The following CCNK variants were observed in gnomAD, a reference collection of about 807,000 sequenced individuals.
The protein encoded by CCNK is cyclin K.
Under a neutral mutation model 65.0 loss-of-function variants are expected in CCNK, and 9 were observed. The ratio of observed to expected loss-of-function variants is 0.14; its 90% CI spans 0.08 to 0.24. The LOEUF is 0.24. CCNK is among the 10% of genes least tolerant of loss of function. CCNK has a pLI of 1.00. For missense variants in CCNK, 474 were observed against 720.0 expected (o/e 0.66, Z 3.91); for synonymous variants, 279 against 270.8 (o/e 1.03, Z -0.30).
At chr14:99,493,273 C>CA (rs565367708) in intron 2 of CCNK, among the ~76,000 whole-genome samples, 78 of 141,736 alleles carry the variant, frequency 5.5e-4, no homozygotes, top group Middle Eastern at 3.6e-3. Flanking sequence ...GATGCTGTCT[C>CA]AAAAAAAAAA....
intron 5 of CCNK, chr14:99,501,083 G>GC: frequency 1.7e-6 from 1 of 601,054 alleles, no homozygotes; most frequent in Non-Finnish European, 2.9e-6. Context: ...GCCAAGTGAT[G>GC]GGAGAGGCAG....
chr14:99,481,553 A>G (rs1392743129), intron 1 of CCNK, 74 bp downstream of exon 1: 3 of 398,080 alleles, frequency 7.5e-6, no homozygotes, highest in South Asian at 1.3e-4. Context: ...GTTATGGCCA[A>G]CCGCCGCTAT....
At chr14:99,505,178 T>C (rs556747547) in intron 9 of CCNK, 1 of 152,368 alleles carries the variant, frequency 6.6e-6, no homozygotes, top group South Asian at 2.1e-4. Flanking sequence ...AGGAGTCCCC[T>C]GGCAGCAGTA....
intron 4 of CCNK, among the ~76,000 whole-genome samples, chr14:99,496,930 C>CT (rs146560564): frequency 0.91 from 117,836 of 129,774 alleles, 53,857 homozygotes; most frequent in East Asian, 0.99. Context: ...AAAAAAAATG[C>CT]TTTTTTTTTT....
chr14:99,495,134 G>A (rs2069490), intron 3 of CCNK: 1,856 of 177,930 alleles, frequency 0.01, 35 homozygotes, highest in African/African-American at 0.042. Context: ...GATTCCGCGG[G>A]ACTGTGTTTA....
In CCNK at chr14:99,512,362, A is replaced by AT. The variant is rs1897149695; in HGVS notation, c.*1581dup. On this transcript the variant is annotated 3_prime_UTR_variant, in exon 11 of 11. Coordinates refer to ENST00000389879, the MANE Select transcript of CCNK (RefSeq NM_001099402.2). ...AGTCCATCTCCAAAAAGCAGCACAA[A>AT]TACTTTGCCCCACAGTATGAAAAAT... 1 of 151,946 alleles carries AT rather than the reference A, an allele frequency of 6.6e-6. No homozygotes were observed. The highest frequency in any genetic ancestry group is 1.5e-5 in the Non-Finnish European group (1 of 68,006). 9.4% of individuals were successfully genotyped at this position (151,946 alleles called of 1,614,324 possible).
intron 9 of CCNK, chr14:99,503,954 C>T: frequency 2.6e-6 from 1 of 383,542 alleles, no homozygotes; most frequent in Non-Finnish European, 4.9e-6. Flanking sequence ...AGACTATTTA[C>T]CCCCATCACA....
At chr14:99,482,738 A>G (rs917393386) in intron 1 of CCNK, among the ~76,000 whole-genome samples, 8 of 152,228 alleles carry the variant, frequency 5.3e-5, no homozygotes, top group South Asian at 2.1e-4. Context: ...CGAGTTGTTA[A>G]TGAGGTTCTT....
intron 1 of CCNK, among the ~76,000 whole-genome samples, chr14:99,487,289 C>G (rs1292336525): frequency 1.3e-5 from 2 of 152,212 alleles, no homozygotes; most frequent in Non-Finnish European, 1.5e-5. Context: ...CTGTACTGTA[C>G]AGCAGACTTT....
At chr14:99,503,101 C>T (rs572235587) in intron 8 of CCNK, 117 bp downstream of exon 8, 9 of 1,175,560 alleles carry the variant, frequency 7.7e-6, no homozygotes, top group Admixed American at 3.4e-5. Flanking sequence ...GGGTGTTCGC[C>T]GAAACTCGCA....
intron 10 of CCNK, 141 bp from the exon 11 acceptor site, chr14:99,510,016 A>G: frequency 2.6e-6 from 2 of 772,160 alleles, no homozygotes; most frequent in Non-Finnish European, 4.1e-6. Flanking sequence ...GACATGGGGC[A>G]TGGGCCCATG....
intron 1 of CCNK, chr14:99,492,031 C>T (rs918101090): frequency 6.6e-6 from 1 of 152,218 alleles, no homozygotes; most frequent in Non-Finnish European, 1.5e-5. Context: ...GGAGCTCCTT[C>T]TCTCATGGAC....
intron 10 of CCNK, chr14:99,508,981 G>A (rs1897044448): frequency 6.6e-6 from 1 of 152,224 alleles, no homozygotes. Flanking sequence ...TCTAAGGCCA[G>A]GCACATATGA....
chr14:99,510,718 C>A lies in CCNK; in HGVS notation c.1679C>A (p.Pro560Gln). ...CCTGGAGGACAGCCTCCTGTGCCCCCGCCCATTCCCCCACCCGGCATGCCT... is the reference window on the plus strand; with the variant it reads ...CCTGGAGGACAGCCTCCTGTGCCCCAGCCCATTCCCCCACCCGGCATGCCT... ...VPPGGQPPVP[P>Q]PIPPPGMPPV... is the part of the protein sequence containing the mutation. Residue 560 changes from proline (P) to glutamine (Q), a missense_variant, in exon 11 of 11, where the codon CCG becomes CAG. This residue lies in a region of CCNK where 53 missense variants were observed against 91.4 expected (regional missense o/e 0.58). Coordinates refer to ENST00000389879, the MANE Select transcript of CCNK (RefSeq NM_001099402.2). The A allele has an allele frequency of 2.1e-6, 3 of 1,429,308 alleles. No individual in the cohort carries two copies. Among genetic ancestry groups the A allele is most frequent in the East Asian group, 5.3e-5 (2 of 38,058 alleles). 88.5% of individuals were successfully genotyped at this position (1,429,308 alleles called of 1,614,324 possible).
intron 8 of CCNK, chr14:99,503,373 C>CA (rs1896889758): frequency 5.0e-6 from 3 of 602,550 alleles, no homozygotes; most frequent in Non-Finnish European, 8.9e-6. Flanking sequence ...ACTCAGAACT[C>CA]ACCATTCAGG....
At chr14:99,502,043 G>A in intron 6 of CCNK, 164 bp from the exon 7 acceptor site, 2 of 698,974 alleles carry the variant, frequency 2.9e-6, no homozygotes, top group Non-Finnish European at 4.2e-6. Context: ...ACTTAGTCGG[G>A]TACCTTTAGA....
intron 10 of CCNK, chr14:99,508,710 A>C (rs889569887): frequency 1.4e-4 from 21 of 152,616 alleles, no homozygotes; most frequent in African/African-American, 5.0e-4. Context: ...TGGGGTGCCC[A>C]GGAGAGACCC....
chr14:99,496,393 T>C (rs1300445960), intron 4 of CCNK, among the ~76,000 whole-genome samples: 2 of 152,154 alleles, frequency 1.3e-5, no homozygotes, highest in Admixed American at 6.5e-5. Context: ...CTAGCCAACA[T>C]AGCGAAACCC....
rs747329091 is a variant in CCNK, at chr14:99,501,337, T to G, written c.518-19T>G. On this transcript the variant is annotated intron_variant, in intron 5 of 10. Transcript: ENST00000389879. ...ATTTTTCTATTGCTATTAATTTACC[T>G]TTTTGTCCCCATTTCTAGGTGATAA... 6.4e-7 allele frequency: 1 copy of G among 1,560,100 alleles called. No individual in the cohort carries two copies. Among genetic ancestry groups the G allele is most frequent in the Non-Finnish European group, 8.8e-7 (1 of 1,133,204 alleles).
Sources: allele counts gnomAD v4.1 joint callset (sites outside exome capture counted in the v4.1 genomes callset), GRCh38; gene constraint gnomAD v4.1.1; regional missense constraint gnomAD v4.1.1; transcripts MANE v1.5; gene names NCBI Gene and HGNC (gene_info 2026-07-23, HGNC 2026-07-21).